TAF4B: variants seen among roughly 807,000 people sequenced by gnomAD.
The protein encoded by TAF4B is transcription initiation factor TFIID subunit 4B.
TAF4B carries 38 observed loss-of-function variants against 86.4 expected under a neutral mutation model. The ratio of observed to expected loss-of-function variants is 0.44; its 90% confidence interval spans 0.34 to 0.58. The LOEUF (loss-of-function observed/expected upper bound fraction) is 0.58. TAF4B is among the 20% of genes least tolerant of loss of function. TAF4B has a pLI of 0.02. For missense variants in TAF4B, 988 were observed against 1,027.6 expected (o/e 0.96, Z 0.53); for synonymous variants, 388 against 391.2 (o/e 0.99, Z 0.10).
intron 1 of TAF4B, among the ~76,000 whole-genome samples, chr18:26,246,481 A>G (rs2055925829): frequency 6.6e-6 from 1 of 152,014 alleles, no homozygotes; most frequent in Non-Finnish European, 1.5e-5. Flanking sequence ...TTTGAATCCC[A>G]GCTCTACCAC....
intron 14 of TAF4B, among the ~76,000 whole-genome samples, chr18:26,377,610 G>C (rs188090779): frequency 2.0e-5 from 3 of 152,312 alleles, no homozygotes; most frequent in Non-Finnish European, 4.4e-5. Context: ...AGGAGATTTA[G>C]TTGTTTGCTA....
At chr18:26,374,652 G>A (rs933368188) in intron 14 of TAF4B, among the ~76,000 whole-genome samples, 2 of 152,174 alleles carry the variant, frequency 1.3e-5, no homozygotes, top group Admixed American at 6.5e-5. Context: ...TAGTTTAAAT[G>A]ATGGTTAATT....
chr18:26,384,616 C>G (rs1480746270), intron 14 of TAF4B, among the ~76,000 whole-genome samples: 3 of 152,106 alleles, frequency 2.0e-5, no homozygotes, highest in Admixed American at 6.6e-5. Context: ...ATAATAGGAC[C>G]TAGGTAGGAA....
At chr18:26,247,543 C>T (rs2144489213) in intron 1 of TAF4B, among the ~76,000 whole-genome samples, 1 of 152,178 alleles carries the variant, frequency 6.6e-6, no homozygotes. Context: ...ATATTACCCT[C>T]CCCCCAAAGT....
At chr18:26,360,597 C>G (rs951066183) in intron 14 of TAF4B, among the ~76,000 whole-genome samples, 1 of 152,112 alleles carries the variant, frequency 6.6e-6, no homozygotes, top group Non-Finnish European at 1.5e-5. Context: ...ACTTTTTAAG[C>G]ATAAATCTTT....
intron 13 of TAF4B, among the ~76,000 whole-genome samples, chr18:26,342,480 T>TTTAA (rs1300841628): frequency 6.6e-6 from 1 of 152,222 alleles, no homozygotes. Flanking sequence ...TTCAATAGTT[T>TTTAA]TTAATTTTCC....
At chr18:26,342,681 T>G (rs577817686) in intron 13 of TAF4B, among the ~76,000 whole-genome samples, 40 of 152,354 alleles carry the variant, frequency 2.6e-4, no homozygotes, top group South Asian at 6.2e-4. Flanking sequence ...AATCTTCAAT[T>G]ACTGTTGCTT....
intron 14 of TAF4B, 79 bp from the exon 15 acceptor site, chr18:26,389,766 T>C (rs1311088956): frequency 1.3e-5 from 19 of 1,476,658 alleles, no homozygotes; most frequent in Non-Finnish European, 1.6e-5. Flanking sequence ...GGTAGTGGGC[T>C]CTGACATGCT....
chr18:26,354,274 C>G (rs1567918514), intron 13 of TAF4B, among the ~76,000 whole-genome samples: 1 of 152,074 alleles, frequency 6.6e-6, no homozygotes, highest in South Asian at 2.1e-4. Context: ...GGGTTTCACC[C>G]TGTTGGCCAG....
intron 12 of TAF4B, among the ~76,000 whole-genome samples, chr18:26,331,207 A>G (rs983229524): frequency 6.7e-6 from 1 of 149,046 alleles, no homozygotes; most frequent in East Asian, 2.2e-4. Flanking sequence ...AGTCATTGTA[A>G]TGAGGTGGTT....
In TAF4B at chr18:26,235,639, C is replaced by T. The variant is rs911540341; in HGVS notation, c.343+8363C>T. 2.6e-5 allele frequency among the ~76,000 whole-genome samples: 4 copies of T among 152,122 alleles called. No individual in the cohort carries two copies. The East Asian group carries it at 7.7e-4, about 29-fold the overall frequency. On this transcript the variant is annotated intron_variant, in intron 1 of 14. Transcript: ENST00000269142. The stretch of plus-strand genomic sequence containing the variant: ...AAACAGATGAGGGCTATCCCTAAAC[C>T]CTTGAGGCAAGACTGTCGATGTGGG...
intron 5 of TAF4B, among the ~76,000 whole-genome samples, chr18:26,281,504 ACTT>A (rs1316022956): frequency 1.3e-5 from 2 of 152,246 alleles, no homozygotes; most frequent in African/African-American, 4.8e-5. Flanking sequence ...TTTTGGAAGT[ACTT>A]CTACTAATTC....
chr18:26,337,798 A>G (rs1445231830), intron 13 of TAF4B, among the ~76,000 whole-genome samples: 2 of 152,160 alleles, frequency 1.3e-5, no homozygotes, highest in Non-Finnish European at 2.9e-5. Flanking sequence ...TGCACTAATC[A>G]CTATCATGCT....
At chr18:26,320,263 C>T (rs927742725) in intron 10 of TAF4B, among the ~76,000 whole-genome samples, 1 of 152,086 alleles carries the variant, frequency 6.6e-6, no homozygotes, top group Non-Finnish European at 1.5e-5. Context: ...GACCTAATTG[C>T]CTGTATCTTT....
intron 9 of TAF4B, among the ~76,000 whole-genome samples, chr18:26,310,697 T>C (rs1251999381): frequency 6.6e-6 from 1 of 152,220 alleles, no homozygotes; most frequent in Non-Finnish European, 1.5e-5. Flanking sequence ...ACGAAATTTA[T>C]AAGGTACAAG....
At chr18:26,381,946 TCTC>T (rs2057482706) in intron 14 of TAF4B, among the ~76,000 whole-genome samples, 1 of 122,722 alleles carries the variant, frequency 8.1e-6, no homozygotes, top group Admixed American at 8.8e-5. Context: ...TCTAATGGTT[TCTC>T]TTTTTTTCTA....
At chr18:26,285,222 G>GTTTTTTTTTTTTGTTTTTTTGTTTTT (rs2056501259) in intron 6 of TAF4B, among the ~76,000 whole-genome samples, 4 of 45,660 alleles carry the variant, frequency 8.8e-5, no homozygotes, top group Admixed American at 6.2e-4. Flanking sequence ...TTTTTTTTTT[G>GTTTTTTTTTTTTGTTTTTTTGTTTTT]TTTTTTTTTT....
In TAF4B at chr18:26,309,214, G is replaced by C. The variant is rs1425909093; in HGVS notation, c.1833-6015G>C. Among the ~76,000 whole-genome samples, 11 of 140,804 alleles carry C rather than the reference G, an allele frequency of 7.8e-5. No individual in the cohort carries two copies. In the East Asian group the frequency reaches 1.3e-3, roughly 17 times the overall value. The allele number at this position is 140,804 out of a possible 152,430, so 92.4% of individuals were successfully genotyped here. A position where few individuals can be genotyped will look rare whatever the true frequency, so the allele number is the denominator to read the frequency against. ...ATTTTCATGAAAATGAATGAAGTGA[G>C]TCTGTCACTTTAGGGAAAAAACCTG... On this transcript the variant is annotated intron_variant, in intron 9 of 14. Transcript: ENST00000269142.
intron 13 of TAF4B, among the ~76,000 whole-genome samples, chr18:26,338,433 A>G (rs564686160): frequency 4.4e-4 from 65 of 146,928 alleles, no homozygotes; most frequent in African/African-American, 1.5e-3. Context: ...AGCCTGGGTG[A>G]CAGAGTGAGA....
Sources: gnomAD v4.1 joint callset for allele counts (sites outside exome capture counted in the v4.1 genomes callset) on GRCh38, gnomAD v4.1.1 for gene constraint, MANE v1.5 for transcripts, NCBI Gene and HGNC (gene_info 2026-07-23, HGNC 2026-07-21) for gene names.